PLA2G10: variants seen among roughly 807,000 people sequenced by gnomAD.
The protein encoded by PLA2G10 is phospholipase A2 group X, also known as group 10 secretory phospholipase A2.
A neutral mutation model predicts 7.9 loss-of-function variants in PLA2G10; 9 were observed. The observed-to-expected ratio is 1.14, with a 90% CI of 0.68 to 1.98. The LOEUF (loss-of-function observed/expected upper bound fraction) is 1.98. PLA2G10 is among the 30% of genes most tolerant of loss of function. The pLI, the probability that PLA2G10 is intolerant of heterozygous loss-of-function variation, is 0.00. For missense variants in PLA2G10, 53 were observed against 65.4 expected (o/e 0.81, Z 0.66); for synonymous variants, 19 against 27.5 (o/e 0.69, Z 0.97).
At chr16:14,686,123 A>G (rs1961053101) in intron 3 of PLA2G10, among the ~76,000 whole-genome samples, 2 of 148,898 alleles carry the variant, frequency 1.3e-5, no homozygotes, top group African/African-American at 2.5e-5. Flanking sequence ...CCTCCCAAGT[A>G]GCTGAGACTG....
At chr16:14,688,430 C>T (rs1398025343) in intron 2 of PLA2G10, among the ~76,000 whole-genome samples, 159 bp from the exon 3 acceptor site, 1 of 63,778 alleles carries the variant, frequency 1.6e-5, no homozygotes, top group Non-Finnish European at 3.8e-5. Context: ...TCTCTGTCGC[C>T]CAGGCTGGAC....
At chr16:14,676,307 C>T (rs574135504) in intron 3 of PLA2G10, among the ~76,000 whole-genome samples, 16 of 152,292 alleles carry the variant, frequency 1.1e-4, no homozygotes, top group South Asian at 2.1e-4. Flanking sequence ...AAGACGTGCG[C>T]GCATTTGTTT....
intron 3 of PLA2G10, among the ~76,000 whole-genome samples, chr16:14,677,167 A>T (rs1960746277): frequency 6.6e-6 from 1 of 152,230 alleles, no homozygotes; most frequent in South Asian, 2.1e-4. Context: ...ATTTTTCATA[A>T]CAAACATGTA....
chr16:14,674,560 G>T (rs532414349), intron 3 of PLA2G10, among the ~76,000 whole-genome samples: 1 of 151,972 alleles, frequency 6.6e-6, no homozygotes, highest in Non-Finnish European at 1.5e-5. Flanking sequence ...AATTAGCCAG[G>T]CATGATGGTG....
chr16:14,679,174 A>G (rs1164709816), intron 3 of PLA2G10, among the ~76,000 whole-genome samples: 4 of 152,170 alleles, frequency 2.6e-5, no homozygotes. Flanking sequence ...TTACCATATT[A>G]AAATGTACAG....
At chr16:14,674,593 C>T (rs1038004379) in intron 3 of PLA2G10, among the ~76,000 whole-genome samples, 4 of 151,752 alleles carry the variant, frequency 2.6e-5, no homozygotes, top group Admixed American at 6.6e-5. Flanking sequence ...CCCAGCTGAT[C>T]GGGAGGCTAA....
intron 3 of PLA2G10, among the ~76,000 whole-genome samples, chr16:14,673,912 T>G (rs1043413657): frequency 4.0e-5 from 6 of 151,830 alleles, no homozygotes; most frequent in East Asian, 1.9e-4. Context: ...GAGAAAGAAA[T>G]AAAGGGCATC....
chr16:14,673,059 G>A (rs1326867571), intron 3 of PLA2G10, among the ~76,000 whole-genome samples: 8 of 135,494 alleles, frequency 5.9e-5, no homozygotes, highest in East Asian at 2.1e-4. Flanking sequence ...TTGCTCTGTC[G>A]CCCAGGCTGG....
At chr16:14,681,237 G>A (rs1302748362) in intron 3 of PLA2G10, among the ~76,000 whole-genome samples, 1 of 151,844 alleles carries the variant, frequency 6.6e-6, no homozygotes, top group African/African-American at 2.4e-5. Context: ...GGAGGGAAAA[G>A]AAAAGCAAAG....
chr16:14,679,900 T>C (rs532681068), intron 3 of PLA2G10, among the ~76,000 whole-genome samples: 4 of 152,108 alleles, frequency 2.6e-5, no homozygotes, highest in East Asian at 1.9e-4. Context: ...CCCACTCTTC[T>C]GCATTCCCAG....
At chr16:14,672,795 ACTCAAGGG>A in intron 3 of PLA2G10, 46 bp from the exon 4 acceptor site, 1 of 1,590,290 alleles carries the variant, frequency 6.3e-7, no homozygotes, top group Non-Finnish European at 8.6e-7. Context: ...ACCTGGAGAG[ACTCAAGGG>A]AAACCAGTAA....
At chr16:14,685,551 G>A (rs1291551708) in intron 3 of PLA2G10, among the ~76,000 whole-genome samples, 4 of 151,986 alleles carry the variant, frequency 2.6e-5, no homozygotes, top group East Asian at 1.9e-4. Context: ...GAATGGGAAC[G>A]GATTGCTTAA....
At chr16:14,679,818 C>G (rs1325235053) in intron 3 of PLA2G10, among the ~76,000 whole-genome samples, 4 of 151,854 alleles carry the variant, frequency 2.6e-5, no homozygotes, top group African/African-American at 7.3e-5. Context: ...GCCACTGCAC[C>G]CAGCCTGGGT....
chr16:14,675,502 T>C (rs1174598868), intron 3 of PLA2G10, among the ~76,000 whole-genome samples: 4 of 152,102 alleles, frequency 2.6e-5, no homozygotes, highest in Admixed American at 6.6e-5. Flanking sequence ...AGCTTCTGCA[T>C]AGCAAAAGAA....
chr16:14,678,802 C>A, intron 3 of PLA2G10: 1 of 351,586 alleles, frequency 2.8e-6, no homozygotes, highest in Non-Finnish European at 5.7e-6. Flanking sequence ...CATGTCCCTC[C>A]CCTGCTCAAA....
chr16:14,673,460 C>T (rs1056017852), intron 3 of PLA2G10, among the ~76,000 whole-genome samples: 2 of 152,106 alleles, frequency 1.3e-5, no homozygotes, highest in Non-Finnish European at 2.9e-5. Context: ...CAGCCTCCGC[C>T]TCCTGGACTC....
At chr16:14,684,644 C>T (rs956790384) in intron 3 of PLA2G10, among the ~76,000 whole-genome samples, 4 of 151,796 alleles carry the variant, frequency 2.6e-5, no homozygotes, top group African/African-American at 4.8e-5. Flanking sequence ...CCAGCCTGGG[C>T]GACAAAGTGA....
chr16:14,675,031 C>T (rs954343008), intron 3 of PLA2G10, among the ~76,000 whole-genome samples: 3 of 152,074 alleles, frequency 2.0e-5, no homozygotes, highest in East Asian at 1.9e-4. Flanking sequence ...ATTAGCTGGG[C>T]GTAGTGGTAC....
At chr16:14,685,080 A>C (rs558012923) in intron 3 of PLA2G10, among the ~76,000 whole-genome samples, 1 of 152,100 alleles carries the variant, frequency 6.6e-6, no homozygotes, top group Non-Finnish European at 1.5e-5. Flanking sequence ...CTATTAATAC[A>C]ACATGAACAG....
Sources: allele counts gnomAD v4.1 joint callset (sites outside exome capture counted in the v4.1 genomes callset), GRCh38; gene constraint gnomAD v4.1.1; transcripts MANE v1.5; gene names NCBI Gene and HGNC (gene_info 2026-07-23, HGNC 2026-07-21).